RBL1: variants seen among roughly 807,000 people sequenced by gnomAD.
The protein encoded by RBL1 is retinoblastoma-like protein 1.
A neutral mutation model predicts 123.0 loss-of-function variants in RBL1; 82 were observed. The ratio of observed to expected loss-of-function variants is 0.67; its 90% CI spans 0.56 to 0.80. The LOEUF (loss-of-function observed/expected upper bound fraction) is 0.80. Among genes scored for constraint, RBL1 ranks in the 30% least tolerant of loss-of-function variants. RBL1 has a pLI of 0.00. For synonymous variants in RBL1, 405 were observed against 441.3 expected (o/e 0.92, Z 1.03); for missense variants, 1,171 against 1,299.6 (o/e 0.90, Z 1.52).
chr20:37,035,140 G>T, intron 15 of RBL1, 102 bp downstream of exon 15: 1 of 1,188,896 alleles, frequency 8.4e-7, no homozygotes, highest in Non-Finnish European at 1.2e-6. Context: ...ATAGGTTCAA[G>T]AAAAAATAAT....
rs2065181974 is a variant in RBL1 at position 37,066,728 on chromosome 20, C to T, written c.842G>A (p.Arg281Lys). ...ATCTAATTATAAGTACAGTACCTTC[C>T]TGTCAAAGAGTTTTGAAATATATGG... ...FKPYISKLFD[R>K]KILKGECLLD... Residue 281 changes from arginine (R) to lysine (K), a missense_variant, in exon 6 of 22, where the codon AGG becomes AAG. Physicochemically the swap from Arg to Lys is conservative, Grantham distance 26 (BLOSUM62 2). Transcript: ENST00000373664. 1 of 1,610,956 alleles carries T rather than the reference C, an allele frequency of 6.2e-7. No individual in the cohort carries two copies. The highest frequency in any genetic ancestry group is 8.5e-7 in the Non-Finnish European group (1 of 1,177,872).
rs557667516 is a variant in RBL1, at chr20:37,016,539, T to A, written c.2722+1740A>T. ...ATATTTTTATAATTTAAAAATTTGC[T>A]TTAATTCATCAGATTTTCTCTTAAG... is the stretch of plus-strand genomic sequence containing the variant. On this transcript the variant is annotated intron_variant, in intron 19 of 21. Coordinates refer to ENST00000373664, the MANE Select transcript of RBL1 (RefSeq NM_002895.5). 1.2e-4 allele frequency among the ~76,000 whole-genome samples: 19 copies of A among 152,354 alleles called. No individual in the cohort carries two copies. In the South Asian group the frequency reaches 3.9e-3, roughly 32 times the overall value.
At chr20:37,062,812 G>A (rs546063093) in intron 7 of RBL1, among the ~76,000 whole-genome samples, 54 of 149,476 alleles carry the variant, frequency 3.6e-4, no homozygotes, top group African/African-American at 1.2e-3. Context: ...AAAATTAGCC[G>A]GGCGTGGTGG....
chr20:37,002,336 G>GTTTTTTTTTTTTTTTTTTTTTTTTTTTT (rs965408801), intron 21 of RBL1, among the ~76,000 whole-genome samples: 4 of 76,350 alleles, frequency 5.2e-5, no homozygotes, highest in Admixed American at 1.9e-4. Context: ...AGCCTTATCT[G>GTTTTTTTTTTTTTTTTTTTTTTTTTTTT]TTTTTTTTTT....
intron 2 of RBL1, 121 bp from the exon 3 acceptor site, chr20:37,068,307 A>G (rs2065216503): frequency 7.3e-7 from 1 of 1,367,560 alleles, no homozygotes; most frequent in Non-Finnish European, 9.7e-7. Context: ...CCCAGGCAAC[A>G]TAGTTAAGAC....
At position 37,035,520 on chromosome 20, in the gene RBL1, T is replaced by A. The variant is rs760983586; in HGVS notation, c.1904-12A>T. On this transcript the variant is annotated splice_polypyrimidine_tract_variant and intron_variant, in intron 14 of 21. Coordinates refer to ENST00000373664, the MANE Select transcript of RBL1 (RefSeq NM_002895.5). ...CAATGGTTGCATATCTAAAAAAAAA[T>A]AATAAATTTAAAACAGAAATGTATT... 1.2e-5 allele frequency: 19 copies of A among 1,521,054 alleles called. No homozygotes were observed. Among genetic ancestry groups the A allele is most frequent in the Non-Finnish European group, 1.5e-5 (17 of 1,133,450 alleles). The allele number at this position is 1,521,054 out of a possible 1,614,324, so 94.2% of individuals were successfully genotyped here. A position where few individuals can be genotyped will look rare whatever the true frequency, so the allele number is the denominator to read the frequency against.
chr20:37,073,562 G>C (rs2065314428), intron 2 of RBL1, among the ~76,000 whole-genome samples: 1 of 151,786 alleles, frequency 6.6e-6, no homozygotes, highest in Non-Finnish European at 1.5e-5. Context: ...GCTAGACTTG[G>C]TAGTGTGCAC....
intron 2 of RBL1, among the ~76,000 whole-genome samples, chr20:37,080,003 T>A (rs2146323404): frequency 6.6e-6 from 1 of 151,686 alleles, no homozygotes; most frequent in Non-Finnish European, 1.5e-5. Flanking sequence ...ATAATAAATT[T>A]AAAAAAATAG....
At chr20:37,044,528 G>A (rs962283111) in intron 12 of RBL1, among the ~76,000 whole-genome samples, 1 of 152,052 alleles carries the variant, frequency 6.6e-6, no homozygotes, top group Non-Finnish European at 1.5e-5. Context: ...TAGTAGAGCC[G>A]AGGTTTCACC....
rs767005023 is a variant in RBL1 at position 37,067,021 on chromosome 20, T to C, written c.657A>G (p.Arg219=). 8.1e-6 allele frequency: 13 copies of C among 1,609,744 alleles called. No individual in the cohort carries two copies. The highest frequency in any genetic ancestry group is 1.0e-5 in the Non-Finnish European group (12 of 1,176,844). ...IFANAIMCPN[R]QDLLNPSFKG... Reference sequence around the variant, plus strand: ...TAAATGATGGATTTAGCAAGTCTTGTCTATTTGGGCACATAATCGCATTGG... The same window carrying C: ...TAAATGATGGATTTAGCAAGTCTTGCCTATTTGGGCACATAATCGCATTGG... The change falls in exon 5 of 22, where the codon AGA becomes AGG. Residue 219 remains arginine (R), a synonymous_variant. Coordinates refer to ENST00000373664, the MANE Select transcript of RBL1 (RefSeq NM_002895.5).
chr20:37,021,487 C>T (rs1208988052), intron 17 of RBL1, among the ~76,000 whole-genome samples: 1 of 151,444 alleles, frequency 6.6e-6, no homozygotes, highest in Admixed American at 6.6e-5. Flanking sequence ...GTCTGTCATC[C>T]AGGCTGGAGT....
At chr20:37,048,389 T>G (rs557213866) in intron 11 of RBL1, among the ~76,000 whole-genome samples, 1 of 152,162 alleles carries the variant, frequency 6.6e-6, no homozygotes, top group South Asian at 2.1e-4. Flanking sequence ...GACTCAGAGG[T>G]AGAGAACATT....
intron 19 of RBL1, among the ~76,000 whole-genome samples, chr20:37,016,895 G>T (rs546196785): frequency 1.7e-5 from 2 of 114,402 alleles, no homozygotes; most frequent in African/African-American, 6.5e-5. Flanking sequence ...GAAAAGAAAA[G>T]AAAAGAAAAA....
chr20:37,048,031 A>G (rs1568856229), intron 11 of RBL1, among the ~76,000 whole-genome samples: 1 of 152,104 alleles, frequency 6.6e-6, no homozygotes, highest in Non-Finnish European at 1.5e-5. Context: ...ATCGCCCCAA[A>G]TCAAGGGAGG....
intron 1 of RBL1, among the ~76,000 whole-genome samples, chr20:37,094,046 C>T (rs376020070): frequency 3.3e-5 from 5 of 152,172 alleles, no homozygotes; most frequent in African/African-American, 1.2e-4. Context: ...ATTTAGCTCT[C>T]AACTTTTCCT....
intron 1 of RBL1, among the ~76,000 whole-genome samples, chr20:37,095,199 G>C (rs2065713060): frequency 6.6e-6 from 1 of 152,188 alleles, no homozygotes; most frequent in African/African-American, 2.4e-5. Context: ...TGTGCACATT[G>C]GCTTTGATCA....
At chr20:37,001,094 T>C (rs1483737647) in intron 21 of RBL1, among the ~76,000 whole-genome samples, 5 of 137,228 alleles carry the variant, frequency 3.6e-5, no homozygotes, top group Admixed American at 7.2e-5. Context: ...GCCCCCCGCC[T>C]GGCCAGTCGC....
intron 19 of RBL1, among the ~76,000 whole-genome samples, chr20:37,016,570 A>G (rs2064257317): frequency 6.6e-6 from 1 of 152,198 alleles, no homozygotes; most frequent in Non-Finnish European, 1.5e-5. Context: ...TTAAGAATTT[A>G]TCCTAAGGAT....
chr20:37,014,956 G>C (rs935287677), intron 19 of RBL1, among the ~76,000 whole-genome samples: 3 of 151,556 alleles, frequency 2.0e-5, no homozygotes, highest in African/African-American at 7.3e-5. Context: ...CCAGCTACTC[G>C]GGAGGCTGAG....
Sources: gnomAD v4.1 joint callset for allele counts (sites outside exome capture counted in the v4.1 genomes callset) on GRCh38, gnomAD v4.1.1 for gene constraint, MANE v1.5 for transcripts, NCBI Gene and HGNC (gene_info 2026-07-23, HGNC 2026-07-21) for gene names.